The following GPR19 variants were observed in gnomAD, a reference collection of about 807,000 sequenced individuals.
GPR19 encodes probable G protein-coupled receptor 19.
A neutral mutation model predicts 28.5 loss-of-function variants in GPR19; 14 were observed. The ratio of observed to expected loss-of-function variants is 0.49; its 90% CI spans 0.32 to 0.77. The LOEUF (loss-of-function observed/expected upper bound fraction) is 0.77, where lower values mean the gene tolerates loss of function less well. GPR19 is among the 30% of genes least tolerant of loss of function. The probability of loss-of-function intolerance (pLI) is 0.03; values close to 1 mark genes in which losing one functional copy is unlikely to be tolerated. For synonymous variants in GPR19, 173 were observed against 184.1 expected, an observed-to-expected ratio of 0.94 and a Z score of 0.49; for missense variants, 409 against 504.1, an observed-to-expected ratio of 0.81 and a Z score of 1.81.
intron 3 of GPR19, among the ~76,000 whole-genome samples, chr12:12,665,746 A>C (rs1945763475): frequency 1.4e-5 from 2 of 142,986 alleles, no homozygotes; most frequent in Middle Eastern, 3.2e-3. Context: ...CTGAGGCAGG[A>C]GAACGGCGTG....
At chr12:12,707,366 TTGTC>T in the GPR19 span, among the ~76,000 whole-genome samples, 3 of 152,280 alleles carry the variant, frequency 2.0e-5, no homozygotes, top group South Asian at 6.2e-4. Flanking sequence ...TATTTGTCCA[TTGTC>T]TGTCTTCCAC....
At position 12,684,410 on chromosome 12, in the gene GPR19, C is replaced by T. The variant is rs1946064471; in HGVS notation, c.-82G>A. 6.6e-6 allele frequency: 1 copy of T among 152,204 alleles called. No individual in the cohort carries two copies. Among genetic ancestry groups the T allele is most frequent in the South Asian group, 2.1e-4 (1 of 4,828 alleles). The allele number at this position is 152,204 out of a possible 1,614,324, so 9.4% of individuals were successfully genotyped here. ...TAGATCTTCTTGGTCAGGAATAGCC[C>T]TTGCATAGGAGTTTGGAGAATGCCA... On this transcript the variant is annotated 5_prime_UTR_variant, in exon 3 of 4. Transcript: ENST00000651487.
the GPR19 span, chr12:12,703,299 G>T: frequency 3.9e-6 from 3 of 771,472 alleles, no homozygotes; most frequent in Non-Finnish European, 4.7e-6. Context: ...TGTGGCATTG[G>T]TGGTTGGGTA....
chr12:12,693,687 A>T (rs1445932992), intron 2 of GPR19, among the ~76,000 whole-genome samples: 3 of 152,160 alleles, frequency 2.0e-5, no homozygotes, highest in Non-Finnish European at 4.4e-5. Context: ...GCCTGTCTCA[A>T]GCTCTAAACT....
chr12:12,676,816 A>G (rs973334572), intron 3 of GPR19, among the ~76,000 whole-genome samples: 1 of 152,242 alleles, frequency 6.6e-6, no homozygotes, highest in Non-Finnish European at 1.5e-5. Flanking sequence ...GCACCTCACT[A>G]AATTCAATTC....
upstream of GPR19, chr12:12,696,250 G>C (rs141747769): frequency 1.3e-5 from 2 of 151,972 alleles, no homozygotes; most frequent in Non-Finnish European, 2.9e-5. Context: ...GCACTCCCGG[G>C]GTGGCGCTTC....
At chr12:12,676,028 ATAATT>A (rs1485226757) in intron 3 of GPR19, among the ~76,000 whole-genome samples, 2 of 152,238 alleles carry the variant, frequency 1.3e-5, no homozygotes, top group African/African-American at 4.8e-5. Flanking sequence ...CATTTCTTAT[ATAATT>A]TAATTTGAGT....
At chr12:12,697,375 CAAAA>C (rs3214421), upstream of GPR19, among the ~76,000 whole-genome samples, 3 of 150,888 alleles carry the variant, frequency 2.0e-5, no homozygotes, top group Non-Finnish European at 3.0e-5. Flanking sequence ...CGTTTGAAAA[CAAAA>C]AAAAAGGCAG....
the GPR19 span, among the ~76,000 whole-genome samples, chr12:12,709,317 G>A: frequency 8.5e-5 from 13 of 152,122 alleles, no homozygotes; most frequent in African/African-American, 2.2e-4. Context: ...TTGGTTGCTC[G>A]GGGCTGTCTG....
the GPR19 span, among the ~76,000 whole-genome samples, chr12:12,705,654 C>T: frequency 6.6e-6 from 1 of 151,670 alleles, no homozygotes; most frequent in Non-Finnish European, 1.5e-5. Flanking sequence ...TTCAAGAGAT[C>T]CTCTCACCTC....
chr12:12,714,781 T>G, the GPR19 span, among the ~76,000 whole-genome samples: 1 of 152,146 alleles, frequency 6.6e-6, no homozygotes, highest in Non-Finnish European at 1.5e-5. Context: ...TCCATAGTAT[T>G]TTTTTTCACG....
chr12:12,703,466 A>T, the GPR19 span: 1 of 969,600 alleles, frequency 1.0e-6, no homozygotes, highest in Non-Finnish European at 1.2e-6. Context: ...AATGGTAATC[A>T]AAGATTCCCA....
At chr12:12,693,174 G>A (rs1160402690) in intron 2 of GPR19, among the ~76,000 whole-genome samples, 1 of 152,110 alleles carries the variant, frequency 6.6e-6, no homozygotes, top group Non-Finnish European at 1.5e-5. Flanking sequence ...TCCCTGAAAG[G>A]CTACAAAGAC....
chr12:12,698,225 T>C (rs1476592885), upstream of GPR19, among the ~76,000 whole-genome samples: 1 of 152,210 alleles, frequency 6.6e-6, no homozygotes, highest in Admixed American at 6.5e-5. Context: ...AACATTTTTC[T>C]TCACTGAAAA....
intron 2 of GPR19, among the ~76,000 whole-genome samples, chr12:12,687,941 G>C (rs1304577657): frequency 6.6e-6 from 1 of 152,204 alleles, no homozygotes; most frequent in Non-Finnish European, 1.5e-5. Flanking sequence ...CTGGGAGACA[G>C]AGCTAGACTC....
chr12:12,694,186 G>GTTTTTTTT (rs1256563402), intron 2 of GPR19, among the ~76,000 whole-genome samples: 2 of 93,510 alleles, frequency 2.1e-5, no homozygotes, highest in African/African-American at 8.2e-5. Context: ...TAGAGTACCT[G>GTTTTTTTT]TCTTTTTTTT....
the GPR19 span, among the ~76,000 whole-genome samples, chr12:12,707,891 T>C: frequency 6.6e-6 from 1 of 151,846 alleles, no homozygotes; most frequent in Non-Finnish European, 1.5e-5. Flanking sequence ...GCCCAAATTC[T>C]GTATTTTAGT....
At chr12:12,681,667 G>A (rs1946024539) in intron 3 of GPR19, among the ~76,000 whole-genome samples, 1 of 152,200 alleles carries the variant, frequency 6.6e-6, no homozygotes, top group Admixed American at 6.5e-5. Flanking sequence ...TGTGCAGCTC[G>A]CTCAGCAGGT....
chr12:12,683,962 A>G (rs1260135148), intron 3 of GPR19: 1 of 152,296 alleles, frequency 6.6e-6, no homozygotes, highest in Non-Finnish European at 1.5e-5. Context: ...AGCCCTGCCA[A>G]TAACCTCTGG....
Sources: gnomAD v4.1 joint callset for allele counts (sites outside exome capture counted in the v4.1 genomes callset) on GRCh38, gnomAD v4.1.1 for gene constraint, MANE v1.5 for transcripts, NCBI Gene and HGNC (gene_info 2026-07-23, HGNC 2026-07-21) for gene names.